FBXO25: variants seen among roughly 807,000 people sequenced by gnomAD.
FBXO25 encodes F-box protein 25.
A neutral mutation model predicts 51.9 loss-of-function variants in FBXO25; 45 were observed. The observed-to-expected ratio is 0.87, with a 90% CI of 0.68 to 1.11. The LOEUF is 1.11. FBXO25 is among the 50% of genes most tolerant of loss of function. The probability of loss-of-function intolerance (pLI) is 0.00; values close to 1 mark genes in which losing one functional copy is unlikely to be tolerated. For synonymous variants in FBXO25, 199 were observed against 151.0 expected (o/e 1.32, Z -2.33); for missense variants, 507 against 428.5 (o/e 1.18, Z -1.62).
chr8:448,939 A>G (rs1798902371), intron 5 of FBXO25, among the ~76,000 whole-genome samples: 1 of 152,240 alleles, frequency 6.6e-6, no homozygotes, highest in Non-Finnish European at 1.5e-5. Flanking sequence ...AAATAGTGCA[A>G]ACATTTCTAA....
At chr8:420,182 C>T (rs1380801586) in intron 2 of FBXO25, among the ~76,000 whole-genome samples, 1 of 152,100 alleles carries the variant, frequency 6.6e-6, no homozygotes, top group Non-Finnish European at 1.5e-5. Flanking sequence ...ATGAGACTGC[C>T]ACAGTGGGCC....
chr8:414,058 G>A (rs1796649672), intron 2 of FBXO25, among the ~76,000 whole-genome samples: 1 of 152,142 alleles, frequency 6.6e-6, no homozygotes, highest in African/African-American at 2.4e-5. Flanking sequence ...TCAACTGTGT[G>A]CTTGATGGGC....
At chr8:450,214 A>T (rs1329358186) in intron 6 of FBXO25, 131 bp downstream of exon 6, 1 of 549,506 alleles carries the variant, frequency 1.8e-6, no homozygotes, top group Admixed American at 3.9e-5. Context: ...ATGTGATAAC[A>T]TCAGAAATAC....
chr8:426,206 C>A (rs1261218078), intron 2 of FBXO25, among the ~76,000 whole-genome samples: 1 of 152,154 alleles, frequency 6.6e-6, no homozygotes, highest in Non-Finnish European at 1.5e-5. Flanking sequence ...GGAGCTTATT[C>A]TTTAGTGGGT....
intron 5 of FBXO25, among the ~76,000 whole-genome samples, chr8:443,947 A>G (rs1306093132): frequency 6.6e-6 from 1 of 152,034 alleles, no homozygotes; most frequent in Non-Finnish European, 1.5e-5. Context: ...GCACAAGCAC[A>G]GATTGTGGGA....
At chr8:464,000 C>T (rs141118700) in intron 9 of FBXO25, among the ~76,000 whole-genome samples, 1 of 152,150 alleles carries the variant, frequency 6.6e-6, no homozygotes, top group South Asian at 2.1e-4. Flanking sequence ...GCATCTTGCT[C>T]TGTCACCCAG....
At chr8:466,285 A>T (rs1378687474) in intron 9 of FBXO25, among the ~76,000 whole-genome samples, 1 of 152,148 alleles carries the variant, frequency 6.6e-6, no homozygotes, top group Non-Finnish European at 1.5e-5. Context: ...GGCCAAACCC[A>T]GATTGGAGTC....
intron 9 of FBXO25, among the ~76,000 whole-genome samples, chr8:465,427 T>C (rs1314869271): frequency 6.6e-6 from 1 of 152,218 alleles, no homozygotes; most frequent in Non-Finnish European, 1.5e-5. Context: ...GAAAATACCA[T>C]TCATAGAAGG....
intron 2 of FBXO25, among the ~76,000 whole-genome samples, chr8:421,889 A>G (rs1281635601): frequency 2.0e-5 from 3 of 152,200 alleles, no homozygotes; most frequent in African/African-American, 4.8e-5. Context: ...GAGCCACAGG[A>G]TAGACAACAG....
intron 2 of FBXO25, among the ~76,000 whole-genome samples, chr8:417,235 G>A (rs1254000297): frequency 1.3e-5 from 2 of 152,344 alleles, no homozygotes; most frequent in East Asian, 3.9e-4. Flanking sequence ...GATGTGGGGA[G>A]TCAGGGGTTT....
chr8:442,988 C>T (rs894465173), intron 5 of FBXO25, among the ~76,000 whole-genome samples: 28 of 152,102 alleles, frequency 1.8e-4, no homozygotes, highest in Non-Finnish European at 8.8e-5. Context: ...TGTTAACGCT[C>T]CTGAGAACAG....
In FBXO25 at chr8:469,143, T is replaced by C. The variant is rs899610733; in HGVS notation, c.*339T>C. 2.8e-5 allele frequency: 6 copies of C among 217,784 alleles called. No individual in the cohort carries two copies. Among genetic ancestry groups the C allele is most frequent in the African/African-American group, 1.1e-4 (5 of 43,890 alleles). The allele number at this position is 217,784 out of a possible 1,614,324, so 13.5% of individuals were successfully genotyped here. A position where few individuals can be genotyped will look rare whatever the true frequency, so the allele number is the denominator to read the frequency against. The stretch of plus-strand genomic sequence containing the variant: ...GACGTGACACTAACGGCCAATAATA[T>C]GCTTCTTAATTATCAAATTATAGTT... On this transcript the variant is annotated 3_prime_UTR_variant, in exon 10 of 10. Transcript: ENST00000350302.
intron 5 of FBXO25, among the ~76,000 whole-genome samples, chr8:448,049 T>G (rs1798848548): frequency 6.6e-6 from 1 of 152,048 alleles, no homozygotes; most frequent in Non-Finnish European, 1.5e-5. Context: ...ATGAGAAAAT[T>G]AATAAGAATG....
At chr8:451,713 A>T (rs1392595952) in intron 7 of FBXO25, among the ~76,000 whole-genome samples, 3 of 152,226 alleles carry the variant, frequency 2.0e-5, no homozygotes, top group African/African-American at 7.2e-5. Context: ...ATTTACCTTC[A>T]TGGGAAACTG....
intron 6 of FBXO25, 93 bp downstream of exon 6, chr8:450,176 CA>C: frequency 2.6e-6 from 2 of 777,458 alleles, no homozygotes; most frequent in Admixed American, 5.5e-5. Context: ...ACCCAGTACA[CA>C]TACTGTCAAA....
intron 7 of FBXO25, among the ~76,000 whole-genome samples, chr8:452,378 T>C (rs1799151520): frequency 6.6e-6 from 1 of 152,208 alleles, no homozygotes; most frequent in African/African-American, 2.4e-5. Context: ...ATTCAAAGCT[T>C]TGCACAGGCT....
intron 2 of FBXO25, among the ~76,000 whole-genome samples, chr8:420,076 C>T (rs1012140160): frequency 4.6e-5 from 7 of 152,058 alleles, no homozygotes; most frequent in Non-Finnish European, 8.8e-5. Context: ...CAAATGCAAG[C>T]AATCCGGAAG....
chr8:445,466 C>T (rs980924213), intron 5 of FBXO25, among the ~76,000 whole-genome samples: 10 of 152,048 alleles, frequency 6.6e-5, no homozygotes, highest in African/African-American at 2.2e-4. Flanking sequence ...TACTGAGGAC[C>T]CCAAAGAGAT....
At chr8:466,822 G>C (rs1301856585) in intron 9 of FBXO25, among the ~76,000 whole-genome samples, 1 of 152,170 alleles carries the variant, frequency 6.6e-6, no homozygotes, top group Non-Finnish European at 1.5e-5. Flanking sequence ...GCTGAGTTAA[G>C]CTCTGGAGCC....
Sources: allele counts gnomAD v4.1 joint callset (sites outside exome capture counted in the v4.1 genomes callset), GRCh38; gene constraint gnomAD v4.1.1; transcripts MANE v1.5; gene names NCBI Gene and HGNC (gene_info 2026-07-23, HGNC 2026-07-21).